PSME3IP1: variants seen among roughly 807,000 people sequenced by gnomAD.
PSME3IP1 encodes the protein proteasome activator subunit 3 interacting protein 1.
PSME3IP1 carries 13 observed loss-of-function variants against 34.1 expected under a neutral mutation model. The ratio of observed to expected loss-of-function variants is 0.38; its 90% CI spans 0.25 to 0.61. The LOEUF (loss-of-function observed/expected upper bound fraction) is 0.61. Ranked by LOEUF, PSME3IP1 falls within the 20% of genes least tolerant of loss-of-function variation. PSME3IP1 has a pLI of 0.60. For synonymous variants in PSME3IP1, 93 were observed against 114.3 expected, an observed-to-expected ratio of 0.81 and a Z score of 1.19; for missense variants, 237 against 301.4, an observed-to-expected ratio of 0.79 and a Z score of 1.58.
At chr16:57,183,688 A>G (rs2073921762) in intron 1 of PSME3IP1, among the ~76,000 whole-genome samples, 3 of 152,214 alleles carry the variant, frequency 2.0e-5, no homozygotes, top group Admixed American at 6.5e-5. Context: ...ATTTGGACAC[A>G]ATCTAGAAGG....
intron 5 of PSME3IP1, among the ~76,000 whole-genome samples, chr16:57,165,976 C>T (rs533152812): frequency 8.5e-5 from 13 of 152,088 alleles, no homozygotes; most frequent in African/African-American, 2.9e-4. Flanking sequence ...CCAAATCCTG[C>T]GAGTCCCTAG....
At chr16:57,176,150 C>T (rs1046169657) in intron 1 of PSME3IP1, among the ~76,000 whole-genome samples, 1 of 152,212 alleles carries the variant, frequency 6.6e-6, no homozygotes, top group Non-Finnish European at 1.5e-5. Flanking sequence ...ACAGAACAAC[C>T]TCTTATGAAA....
intron 1 of PSME3IP1, among the ~76,000 whole-genome samples, chr16:57,183,958 G>T (rs2073939536): frequency 6.6e-6 from 1 of 151,972 alleles, no homozygotes. Flanking sequence ...TCCCCCAAAG[G>T]GAATTCAGAC....
chr16:57,185,879 A>C lies in PSME3IP1; in HGVS notation c.-74T>G. On this transcript the variant is annotated 5_prime_UTR_variant, in exon 1 of 7. Coordinates refer to ENST00000309137, the MANE Select transcript of PSME3IP1 (RefSeq NM_024946.4). ...TCGGCGGCGCCCACCCCAAACCGCCACCGCAGAGCCGCTCGCTCTTAAAAA... is the reference window on the plus strand; with the variant it reads ...TCGGCGGCGCCCACCCCAAACCGCCCCCGCAGAGCCGCTCGCTCTTAAAAA... 1 of 984,872 alleles carries C rather than the reference A, an allele frequency of 1.0e-6. No individual in the cohort carries two copies. Among genetic ancestry groups the C allele is most frequent in the South Asian group, 4.7e-5 (1 of 21,252 alleles). 61.0% of individuals were successfully genotyped at this position (984,872 alleles called of 1,614,324 possible). A position where few individuals can be genotyped will look rare whatever the true frequency, so the allele number is the denominator to read the frequency against.
intron 4 of PSME3IP1, among the ~76,000 whole-genome samples, chr16:57,170,398 T>A (rs1178328945): frequency 1.3e-5 from 2 of 152,146 alleles, no homozygotes; most frequent in African/African-American, 4.8e-5. Context: ...ACGTAACTCT[T>A]AAAATGGAAT....
At chr16:57,163,513 C>T (rs1431268413) in intron 6 of PSME3IP1, among the ~76,000 whole-genome samples, 4 of 152,190 alleles carry the variant, frequency 2.6e-5, no homozygotes, top group Non-Finnish European at 2.9e-5. Context: ...CAAGTTCTTG[C>T]CTCTTAATAC....
chr16:57,160,392 C>A (rs2071095979), intron 6 of PSME3IP1, among the ~76,000 whole-genome samples: 1 of 152,048 alleles, frequency 6.6e-6, no homozygotes, highest in Non-Finnish European at 1.5e-5. Context: ...AGCAAATTTC[C>A]TATTTATTAA....
chr16:57,163,246 C>CA (rs1402049987), intron 6 of PSME3IP1, among the ~76,000 whole-genome samples: 2 of 151,248 alleles, frequency 1.3e-5, no homozygotes, highest in Non-Finnish European at 1.5e-5. Context: ...AGGCAGGCTC[C>CA]TTTTTTTTTC....
chr16:57,179,867 T>G (rs1412297555), intron 1 of PSME3IP1, among the ~76,000 whole-genome samples: 3 of 152,250 alleles, frequency 2.0e-5, no homozygotes, highest in African/African-American at 7.2e-5. Context: ...TACTTCAAAA[T>G]GCAGGACAGC....
At chr16:57,163,856 G>T in intron 6 of PSME3IP1, 145 bp downstream of exon 6, 1 of 781,380 alleles carries the variant, frequency 1.3e-6, no homozygotes. Flanking sequence ...AATCCTGCCT[G>T]GCATAAAAAA....
chr16:57,154,174 T>C lies in PSME3IP1; in HGVS notation c.*116A>G. 2 of 789,902 alleles carry C rather than the reference T, an allele frequency of 2.5e-6. No individual in the cohort carries two copies. The highest frequency in any genetic ancestry group is 4.1e-6 in the Non-Finnish European group (2 of 491,692). The allele number at this position is 789,902 out of a possible 1,614,324, so 48.9% of individuals were successfully genotyped here. A position where few individuals can be genotyped will look rare whatever the true frequency, so the allele number is the denominator to read the frequency against. On this transcript the variant is annotated 3_prime_UTR_variant, in exon 7 of 7. Transcript: ENST00000309137. The surrounding 1 kb of genome is among the most constrained non-coding windows in gnomAD (Gnocchi z 4.0). ...TAGATTGGATTGGTTAAAAATGTCA[T>C]GTTGTACACAGGATGCAGGCAAAGG...
intron 6 of PSME3IP1, among the ~76,000 whole-genome samples, chr16:57,159,178 T>C (rs771900105): frequency 6.6e-6 from 1 of 152,214 alleles, no homozygotes; most frequent in Non-Finnish European, 1.5e-5. Context: ...TCAAGGAATC[T>C]GGACCACTGT....
In PSME3IP1 at chr16:57,154,003, G is replaced by A. The variant is rs2070212162; in HGVS notation, c.*287C>T. 1 of 387,152 alleles carries A rather than the reference G, an allele frequency of 2.6e-6. No individual in the cohort carries two copies. The highest frequency in any genetic ancestry group is 4.2e-5 in the Admixed American group (1 of 23,626). The allele number at this position is 387,152 out of a possible 1,614,324, so 24.0% of individuals were successfully genotyped here. The stretch of plus-strand genomic sequence containing the variant: ...GCCAGCCGGTGCCTATTCTCCTGGG[G>A]CATTTTTAGTGGAACTTCGGCTGGG... On this transcript the variant is annotated 3_prime_UTR_variant, in exon 7 of 7. Coordinates refer to ENST00000309137, the MANE Select transcript of PSME3IP1 (RefSeq NM_024946.4). The surrounding 1 kb of genome is among the most constrained non-coding windows in gnomAD (Gnocchi z 4.0).
chr16:57,181,670 G>A (rs2073729125), intron 1 of PSME3IP1: 2 of 152,138 alleles, frequency 1.3e-5, no homozygotes, highest in Non-Finnish European at 2.9e-5. Context: ...CTAACCAACT[G>A]GCTATTAATC....
Position 57,172,814 on chromosome 16 carries a change from T to C in PSME3IP1, c.188A>G (p.Asp63Gly). The change falls in exon 3 of 7, where the codon GAC (aspartate) becomes GGC (glycine). Residue 63 changes from aspartate (D) to glycine (G), a missense_variant. Physicochemically the swap from Asp to Gly is moderately conservative, Grantham distance 94 (BLOSUM62 -1). Coordinates refer to ENST00000309137, the MANE Select transcript of PSME3IP1 (RefSeq NM_024946.4). ...SLYERLQEQK[D>G]RKQQEYEEQF... ...TTCCTCGTACTCCTGCTGCTTCCTGTCCTTCTGTTCCTGTAGCCTTTCATA... is the reference window on the plus strand; with the variant it reads ...TTCCTCGTACTCCTGCTGCTTCCTGCCCTTCTGTTCCTGTAGCCTTTCATA... 1 of 1,613,754 alleles carries C rather than the reference T, an allele frequency of 6.2e-7. No individual in the cohort carries two copies. The highest frequency in any genetic ancestry group is 1.3e-5 in the African/African-American group (1 of 75,050).
chr16:57,173,975 C>A, intron 1 of PSME3IP1, 106 bp from the exon 2 acceptor site: 1 of 1,194,992 alleles, frequency 8.4e-7, no homozygotes, highest in Non-Finnish European at 1.2e-6. Flanking sequence ...CAGCAACAAA[C>A]TAAAAATTAT....
chr16:57,178,328 G>A (rs1418969416), intron 1 of PSME3IP1, among the ~76,000 whole-genome samples: 2 of 152,202 alleles, frequency 1.3e-5, no homozygotes, highest in Non-Finnish European at 2.9e-5. Context: ...ACCTCCTAGA[G>A]TAGTTAATAT....
At chr16:57,177,178 A>T (rs1597745783) in intron 1 of PSME3IP1, among the ~76,000 whole-genome samples, 1 of 152,054 alleles carries the variant, frequency 6.6e-6, no homozygotes, top group Non-Finnish European at 1.5e-5. Context: ...GAGAAAATTT[A>T]AAAATCTTCC....
chr16:57,177,369 G>A (rs1305616868), intron 1 of PSME3IP1, among the ~76,000 whole-genome samples: 5 of 106,100 alleles, frequency 4.7e-5, no homozygotes, highest in Non-Finnish European at 9.4e-5. Flanking sequence ...TTTTTTTTTC[G>A]TGAAACAGGG....
Sources: gnomAD v4.1 joint callset for allele counts (sites outside exome capture counted in the v4.1 genomes callset) on GRCh38, gnomAD v4.1.1 for gene constraint, Gnocchi (gnomAD v3.1) non-coding constraint, MANE v1.5 for transcripts, NCBI Gene and HGNC (gene_info 2026-07-23, HGNC 2026-07-21) for gene names.